The following SCFD1 variants were observed in gnomAD, a reference collection of about 807,000 sequenced individuals.
SCFD1 encodes sec1 family domain-containing protein 1.
A neutral mutation model predicts 103.2 loss-of-function variants in SCFD1; 37 were observed. That is an observed-to-expected ratio of 0.36 (90% CI 0.28 to 0.47). SCFD1 has a LOEUF of 0.47. SCFD1 is among the 20% of genes least tolerant of loss of function. The pLI, the probability that SCFD1 is intolerant of heterozygous loss-of-function variation, is 1.00. For missense variants in SCFD1, 639 were observed against 761.2 expected (o/e 0.84, Z 1.89); for synonymous variants, 264 against 245.0 (o/e 1.08, Z -0.73).
At chr14:30,729,034 A>C (rs1893256772) in intron 23 of SCFD1, among the ~76,000 whole-genome samples, 1 of 152,080 alleles carries the variant, frequency 6.6e-6, no homozygotes, top group Non-Finnish European at 1.5e-5. Flanking sequence ...TGTTGGGATT[A>C]CAGGCTTGAA....
chr14:30,681,472 A>C (rs1337370036), intron 14 of SCFD1, among the ~76,000 whole-genome samples: 1 of 151,978 alleles, frequency 6.6e-6, no homozygotes, highest in Admixed American at 6.6e-5. Context: ...TTTTAGCATA[A>C]GTCAATACAT....
rs758721099 is a variant in SCFD1 at position 30,630,575 on chromosome 14, T to C, written c.221+10T>C. The C allele has an allele frequency of 7.6e-6, 11 of 1,439,162 alleles. No homozygotes were observed. In the South Asian group the frequency reaches 1.3e-4, roughly 17 times the overall value. The allele number at this position is 1,439,162 out of a possible 1,614,324, so 89.1% of individuals were successfully genotyped here. A position where few individuals can be genotyped will look rare whatever the true frequency, so the allele number is the denominator to read the frequency against. On this transcript the variant is annotated intron_variant, in intron 3 of 24. Transcript: ENST00000458591. ...GAATCACTCTGCATCTGTGAGTTTT[T>C]ACATATTTCTAATAGTGGTATTCAT... is the stretch of plus-strand genomic sequence containing the variant.
intron 1 of SCFD1, among the ~76,000 whole-genome samples, chr14:30,624,288 T>C (rs1185849114): frequency 6.6e-6 from 1 of 152,210 alleles, no homozygotes; most frequent in Non-Finnish European, 1.5e-5. Flanking sequence ...CTTGCACATC[T>C]TCCCAGCTTC....
chr14:30,730,391 G>C (rs1474235158), intron 23 of SCFD1, among the ~76,000 whole-genome samples: 6 of 152,202 alleles, frequency 3.9e-5, no homozygotes, highest in Non-Finnish European at 8.8e-5. Flanking sequence ...GGATGGCTGG[G>C]TCAAATGGTA....
chr14:30,642,287 C>T (rs867252474), intron 6 of SCFD1, among the ~76,000 whole-genome samples: 6 of 152,078 alleles, frequency 3.9e-5, no homozygotes, highest in African/African-American at 9.7e-5. Flanking sequence ...GGGGTTTCAC[C>T]GTGTTAGCCA....
chr14:30,690,688 A>C (rs931088341), intron 14 of SCFD1, among the ~76,000 whole-genome samples: 35 of 148,592 alleles, frequency 2.4e-4, no homozygotes, highest in African/African-American at 3.3e-4. Flanking sequence ...GTGCGCACAC[A>C]CACTGGCCTG....
At chr14:30,720,288 G>A (rs1231297762) in intron 21 of SCFD1, among the ~76,000 whole-genome samples, 1 of 152,136 alleles carries the variant, frequency 6.6e-6, no homozygotes, top group Non-Finnish European at 1.5e-5. Flanking sequence ...AGGGGGATGA[G>A]GATTGACTGC....
intron 2 of SCFD1, 53 bp from the exon 3 acceptor site, chr14:30,630,424 G>A: frequency 3.1e-6 from 3 of 970,762 alleles, no homozygotes; most frequent in Non-Finnish European, 3.3e-6. Flanking sequence ...TCTTAATATA[G>A]GTTCACTATT....
rs531010981 is a variant in SCFD1, at chr14:30,694,734, G to A, written c.1243-39G>A. 14 of 1,542,908 alleles carry A rather than the reference G, an allele frequency of 9.1e-6. No homozygotes were observed. The South Asian group carries it at 1.7e-4, about 19-fold the overall frequency. ...TGAGTAGATCATTATGTATTTTAAT[G>A]ACTTAATATATTCTCATCTAATGTT... On this transcript the variant is annotated intron_variant, in intron 14 of 24. Coordinates refer to ENST00000458591, the MANE Select transcript of SCFD1 (RefSeq NM_016106.4).
chr14:30,683,300 G>T, intron 14 of SCFD1: 3 of 811,442 alleles, frequency 3.7e-6, no homozygotes, highest in Non-Finnish European at 3.9e-6. Context: ...TAGTAGCAGG[G>T]TGTGAGGAAT....
chr14:30,638,279 G>T, intron 5 of SCFD1, 32 bp downstream of exon 5: 1 of 1,612,064 alleles, frequency 6.2e-7, no homozygotes, highest in South Asian at 1.1e-5. Context: ...ATGACATTTT[G>T]TCAATGTAAA....
At chr14:30,670,803 A>C (rs1888467881) in intron 11 of SCFD1, among the ~76,000 whole-genome samples, 1 of 152,054 alleles carries the variant, frequency 6.6e-6, no homozygotes, top group African/African-American at 2.4e-5. Flanking sequence ...GAGAGTACCT[A>C]AGCCTAAAAG....
chr14:30,634,137 A>C (rs974240057), intron 4 of SCFD1, 100 bp downstream of exon 4: 16 of 639,596 alleles, frequency 2.5e-5, no homozygotes, highest in Non-Finnish European at 4.4e-5. Context: ...AGAAATTCCT[A>C]TGCCTACTTT....
At chr14:30,672,275 C>T (rs150158863) in intron 11 of SCFD1, among the ~76,000 whole-genome samples, 26 of 152,186 alleles carry the variant, frequency 1.7e-4, no homozygotes, top group African/African-American at 6.0e-4. Context: ...AATGCTGAGG[C>T]CTCAGTGCTA....
At chr14:30,710,816 A>G (rs528085471) in intron 19 of SCFD1, among the ~76,000 whole-genome samples, 22 of 152,324 alleles carry the variant, frequency 1.4e-4, no homozygotes, top group African/African-American at 5.3e-4. Flanking sequence ...GACACTGCTG[A>G]AGATCAGTTC....
chr14:30,698,929 C>T (rs1288304099), intron 15 of SCFD1, among the ~76,000 whole-genome samples: 1 of 152,128 alleles, frequency 6.6e-6, no homozygotes, highest in Non-Finnish European at 1.5e-5. Context: ...CCTCCCAGTC[C>T]CCAGACTGAC....
intron 10 of SCFD1, among the ~76,000 whole-genome samples, chr14:30,666,022 C>T (rs988580819): frequency 2.6e-5 from 4 of 152,174 alleles, no homozygotes; most frequent in African/African-American, 4.8e-5. Context: ...AGAAGGTTAA[C>T]AAGGATATCC....
intron 13 of SCFD1, 150 bp downstream of exon 13, chr14:30,674,147 C>T: frequency 1.6e-6 from 1 of 608,774 alleles, no homozygotes; most frequent in Non-Finnish European, 2.8e-6. Context: ...TTGTATTTAG[C>T]TAAATGTTTA....
Position 30,717,170 on chromosome 14 carries a change from A to AG in SCFD1, c.1683+1198dup, listed in dbSNP as rs1892335260. Among the ~76,000 whole-genome samples, 3 of 152,186 alleles carry AG rather than the reference A, an allele frequency of 2.0e-5. No individual in the cohort carries two copies. In the South Asian group the frequency reaches 6.2e-4, roughly 32 times the overall value. On this transcript the variant is annotated intron_variant, in intron 20 of 24. Transcript: ENST00000458591. ...AACTTTAGACAGGTGCCAAATACAC[A>AG]GGGGGTTAAGAAATTTTGATATTTT... is the stretch of plus-strand genomic sequence containing the variant.
Sources: gnomAD v4.1 joint callset for allele counts (sites outside exome capture counted in the v4.1 genomes callset) on GRCh38, gnomAD v4.1.1 for gene constraint, MANE v1.5 for transcripts, NCBI Gene and HGNC (gene_info 2026-07-23, HGNC 2026-07-21) for gene names.